The following OPCML variants were observed in gnomAD, a reference collection of about 807,000 sequenced individuals.
The protein encoded by OPCML is opioid binding protein/cell adhesion molecule like.
OPCML carries 13 observed loss-of-function variants against 37.8 expected under a neutral mutation model. That is an observed-to-expected ratio of 0.34 (90% CI 0.22 to 0.55). The LOEUF is 0.55. OPCML is among the 20% of genes least tolerant of loss of function. The pLI, the probability that OPCML is intolerant of heterozygous loss-of-function variation, is 0.91. For synonymous variants in OPCML, 176 were observed against 168.8 expected (o/e 1.04, Z -0.33); for missense variants, 341 against 435.6 (o/e 0.78, Z 1.93).
chr11:132,714,589 T>TC (rs11418982), intron 2 of OPCML, among the ~76,000 whole-genome samples: 1 of 86,040 alleles, frequency 1.2e-5, no homozygotes, highest in African/African-American at 1.1e-4. Context: ...AAATCTTGAC[T>TC]TTGGGCTCTG....
chr11:132,603,839 C>A (rs1172110970), intron 3 of OPCML, among the ~76,000 whole-genome samples: 1 of 152,184 alleles, frequency 6.6e-6, no homozygotes, highest in African/African-American at 2.4e-5. Flanking sequence ...CTAATTAACT[C>A]ATTTACATCC....
intron 1 of OPCML, among the ~76,000 whole-genome samples, chr11:132,997,631 G>A (rs1205932410): frequency 1.3e-5 from 2 of 152,204 alleles, no homozygotes; most frequent in Admixed American, 1.3e-4. Context: ...GTGGTGGGAG[G>A]ATGGAAGGGA....
intron 2 of OPCML, among the ~76,000 whole-genome samples, chr11:132,784,937 T>C (rs1021060445): frequency 6.6e-6 from 1 of 152,200 alleles, no homozygotes; most frequent in Non-Finnish European, 1.5e-5. Flanking sequence ...TCTTTATAAG[T>C]TAACTCAGTC....
chr11:132,630,975 A>G (rs951756880), intron 3 of OPCML, among the ~76,000 whole-genome samples: 2 of 152,218 alleles, frequency 1.3e-5, no homozygotes, highest in Non-Finnish European at 2.9e-5. Flanking sequence ...CATAAAAGAC[A>G]GAAGAAAAAT....
intron 1 of OPCML, among the ~76,000 whole-genome samples, chr11:133,188,641 A>G (rs574205560): frequency 5.9e-5 from 9 of 152,364 alleles, no homozygotes; most frequent in East Asian, 5.8e-4. Context: ...GTATGAAAAC[A>G]TTTGTTAAAT....
At chr11:133,529,525 T>A (rs572601932) in intron 1 of OPCML, among the ~76,000 whole-genome samples, 2 of 152,142 alleles carry the variant, frequency 1.3e-5, no homozygotes, top group Admixed American at 6.5e-5. Context: ...GTCTTTTCCA[T>A]CCCAGAAATT....
chr11:132,693,361 T>C (rs1178028985), intron 2 of OPCML, among the ~76,000 whole-genome samples: 3 of 152,190 alleles, frequency 2.0e-5, no homozygotes, highest in Non-Finnish European at 4.4e-5. Context: ...AATGCCTACC[T>C]TAGCCTGATT....
chr11:133,404,091 G>C (rs1234467813), intron 1 of OPCML, among the ~76,000 whole-genome samples: 1 of 152,000 alleles, frequency 6.6e-6, no homozygotes, highest in Non-Finnish European at 1.5e-5. Context: ...GCTCTGCTCT[G>C]TGCTTCTGGT....
intron 2 of OPCML, among the ~76,000 whole-genome samples, chr11:132,722,872 A>G (rs544629303): frequency 6.6e-6 from 1 of 152,340 alleles, no homozygotes; most frequent in Non-Finnish European, 1.5e-5. Context: ...CTCACTTTAT[A>G]TGCTTTATCT....
intron 2 of OPCML, among the ~76,000 whole-genome samples, chr11:132,705,384 A>G (rs1186124038): frequency 6.6e-6 from 1 of 151,992 alleles, no homozygotes; most frequent in Admixed American, 6.6e-5. Flanking sequence ...TGAGCTCAGG[A>G]GTTCAAGACC....
chr11:133,058,878 C>G (rs1329588458), intron 1 of OPCML, among the ~76,000 whole-genome samples: 2 of 152,146 alleles, frequency 1.3e-5, no homozygotes, highest in East Asian at 3.9e-4. Context: ...AAAAATGAAG[C>G]CTGAAGTGTG....
chr11:132,985,615 A>T lies in OPCML; in HGVS notation c.62-42605T>A, dbSNP rs572710071. On this transcript the variant is annotated intron_variant, in intron 1 of 7. Coordinates refer to ENST00000524381, the MANE Select transcript of OPCML (RefSeq NM_001012393.5). ...TAAATTCAAAATAAACTGGTGAAGG[A>T]CCTAATCACATATGATGCAAAATCT... Among the ~76,000 whole-genome samples, 3 of 152,328 alleles carry T rather than the reference A, an allele frequency of 2.0e-5. No individual in the cohort carries two copies. The East Asian group carries it at 5.8e-4, about 29-fold the overall frequency.
At chr11:133,118,174 A>G (rs1949365808) in intron 1 of OPCML, 2 of 922,678 alleles carry the variant, frequency 2.2e-6, no homozygotes, top group Non-Finnish European at 2.6e-6. Context: ...TAAAAGTGGT[A>G]GTGCAGTGCC....
chr11:133,278,741 T>TAA (rs34058312), intron 1 of OPCML, among the ~76,000 whole-genome samples: 3,185 of 150,068 alleles, frequency 0.021, 97 homozygotes, highest in African/African-American at 0.071. Context: ...TTTGTTTGAT[T>TAA]AAAAAAAAAA....
intron 1 of OPCML, among the ~76,000 whole-genome samples, chr11:133,315,732 A>G (rs962824980): frequency 1.3e-5 from 2 of 152,168 alleles, no homozygotes; most frequent in African/African-American, 4.8e-5. Flanking sequence ...CAGGAGGCAG[A>G]AGTTGCAGTG....
At chr11:133,230,333 T>G (rs1023094795) in intron 1 of OPCML, among the ~76,000 whole-genome samples, 1 of 152,192 alleles carries the variant, frequency 6.6e-6, no homozygotes, top group African/African-American at 2.4e-5. Context: ...CAGCCTTTCA[T>G]AAGCCCTAGA....
intron 3 of OPCML, among the ~76,000 whole-genome samples, chr11:132,562,470 C>A (rs1029260944): frequency 1.3e-5 from 2 of 151,640 alleles, no homozygotes; most frequent in Non-Finnish European, 2.9e-5. Flanking sequence ...GAAGAAATTT[C>A]TTTTCTACTA....
chr11:133,414,263 T>C (rs185030414), intron 1 of OPCML, among the ~76,000 whole-genome samples: 28 of 152,238 alleles, frequency 1.8e-4, no homozygotes, highest in African/African-American at 5.5e-4. Flanking sequence ...AACATGTATA[T>C]ACGTGGTTTT....
chr11:132,958,091 G>A (rs1946008472), intron 1 of OPCML, among the ~76,000 whole-genome samples: 1 of 152,234 alleles, frequency 6.6e-6, no homozygotes, highest in South Asian at 2.1e-4. Flanking sequence ...CAAAGAGTTA[G>A]TCAAGTTAGG....
Sources: allele counts gnomAD v4.1 joint callset (sites outside exome capture counted in the v4.1 genomes callset), GRCh38; gene constraint gnomAD v4.1.1; transcripts MANE v1.5; gene names NCBI Gene and HGNC (gene_info 2026-07-23, HGNC 2026-07-21).